The following ZNF674 variants were observed in gnomAD, a reference collection of about 807,000 sequenced individuals.
The protein encoded by ZNF674 is zinc finger protein 674, also known as zinc finger family member 674.
A neutral mutation model predicts 7.0 loss-of-function variants in ZNF674; 2 were observed. That is an observed-to-expected ratio of 0.29 (90% confidence interval 0.12 to 0.90). The LOEUF is 0.90. ZNF674 is among the 40% of genes least tolerant of loss of function. ZNF674 has a pLI of 0.57. For missense variants in ZNF674, 297 were observed against 415.5 expected (o/e 0.71, Z 2.48); for synonymous variants, 103 against 145.2 (o/e 0.71, Z 2.09).
At position 46,499,687 on chromosome X, in the gene ZNF674, C is replaced by A. The variant is rs952428676; in HGVS notation, c.*156G>T. On this transcript the variant is annotated 3_prime_UTR_variant, in exon 6 of 6. Coordinates refer to ENST00000683375, the MANE Select transcript of ZNF674 (RefSeq NM_001190417.2). ...ACACCTCTGGAATTATACTTTTGTACTTTGTATTAAGTTAAATGAACATTA... is the reference window on the plus strand; with the variant it reads ...ACACCTCTGGAATTATACTTTTGTAATTTGTATTAAGTTAAATGAACATTA... The A allele has an allele frequency of 9.4e-6, 4 of 427,059 alleles. No individual in the cohort carries two copies. Among genetic ancestry groups the A allele is most frequent in the Non-Finnish European group, 1.5e-5 (4 of 270,710 alleles). 35.2% of individuals were successfully genotyped at this position (427,059 alleles called of 1,213,427 possible). A position where few individuals can be genotyped will look rare whatever the true frequency, so the allele number is the denominator to read the frequency against.
intron 5 of ZNF674, among the ~76,000 whole-genome samples, chrX:46,524,356 C>G (rs1300595949): frequency 9.0e-6 from 1 of 111,540 alleles, no homozygotes; most frequent in East Asian, 2.8e-4. Flanking sequence ...AGGTCATTAT[C>G]AAGAGGGGTT....
Position 46,515,977 on chromosome X carries a change from A to G in ZNF674, c.238+12373T>C, listed in dbSNP as rs371864291. On this transcript the variant is annotated intron_variant, in intron 5 of 5. Transcript: ENST00000683375. ...ACAGTAAAGGGTTTAAAATAGCTAA[A>G]TCAGTACTTAGAGATAGTTATGGCA... 3.6e-5 allele frequency among the ~76,000 whole-genome samples: 4 copies of G among 111,728 alleles called. No individual in the cohort carries two copies. In the East Asian group the frequency reaches 8.4e-4, roughly 23 times the overall value.
At chrX:46,526,850 C>G (rs2146608387) in intron 5 of ZNF674, among the ~76,000 whole-genome samples, 1 of 111,219 alleles carries the variant, frequency 9.0e-6, no homozygotes, top group East Asian at 2.8e-4. Flanking sequence ...AAGGCATGAA[C>G]CATAAAAGAA....
chrX:46,526,348 G>A (rs955705461), intron 5 of ZNF674, among the ~76,000 whole-genome samples: 1 of 111,275 alleles, frequency 9.0e-6, no homozygotes, highest in Non-Finnish European at 1.9e-5. Flanking sequence ...GCGTGATCAC[G>A]GCTCACTGCA....
intron 5 of ZNF674, among the ~76,000 whole-genome samples, chrX:46,503,761 G>T (rs1941476434): frequency 8.9e-6 from 1 of 111,974 alleles, no homozygotes; most frequent in Admixed American, 9.6e-5. Flanking sequence ...ACAAAGATGT[G>T]AAACTCTTAA....
chrX:46,531,547 T>C (rs1237400161), intron 3 of ZNF674, among the ~76,000 whole-genome samples: 2 of 111,439 alleles, frequency 1.8e-5, no homozygotes, highest in Non-Finnish European at 1.9e-5. Context: ...GAGAATGACT[T>C]GGTATTTGGG....
chrX:46,537,220 G>A (rs759084858), intron 3 of ZNF674, among the ~76,000 whole-genome samples: 3 of 109,774 alleles, frequency 2.7e-5, no homozygotes, highest in Admixed American at 2.0e-4. Context: ...GCAGTGATCC[G>A]AGATCGCACC....
chrX:46,531,884 TG>T (rs1256027167), intron 3 of ZNF674, among the ~76,000 whole-genome samples: 1 of 111,667 alleles, frequency 9.0e-6, no homozygotes, highest in African/African-American at 3.2e-5. Flanking sequence ...CATATGTATG[TG>T]GCCAGGCGCG....
rs770921407 is a variant in ZNF674 at position 46,541,271 on chromosome X, A to C, written c.15+802T>G. 2.9e-5 allele frequency among the ~76,000 whole-genome samples: 3 copies of C among 102,417 alleles called. No individual in the cohort carries two copies. In the South Asian group the frequency reaches 1.4e-3, roughly 46 times the overall value. 88.9% of individuals were successfully genotyped at this position (102,417 alleles called of 115,157 possible). A position where few individuals can be genotyped will look rare whatever the true frequency, so the allele number is the denominator to read the frequency against. On this transcript the variant is annotated intron_variant, in intron 3 of 5. Transcript: ENST00000683375. ...AGGTACTCGGTTGGCTGAGGCAGGA[A>C]AATCGCTTGAACCTGGAAGGCGGAG...
intron 5 of ZNF674, among the ~76,000 whole-genome samples, chrX:46,505,976 T>G (rs762160166): frequency 2.7e-5 from 3 of 111,979 alleles, no homozygotes; most frequent in Non-Finnish European, 5.6e-5. Context: ...AGACAGCTGT[T>G]GCTATTTGAT....
At chrX:46,505,795 C>CACACACACACACACACACACACAT (rs1556010542) in intron 5 of ZNF674, among the ~76,000 whole-genome samples, 2 of 106,335 alleles carry the variant, frequency 1.9e-5, no homozygotes, top group African/African-American at 7.2e-5. Context: ...CACACACACA[C>CACACACACACACACACACACACAT]GAAAAAAAAA....
intron 5 of ZNF674, among the ~76,000 whole-genome samples, chrX:46,519,190 G>A (rs947271521): frequency 1.0e-4 from 11 of 107,427 alleles, no homozygotes; most frequent in African/African-American, 3.8e-4. Flanking sequence ...GCAACAGAGC[G>A]AGACACCATC....
At chrX:46,529,809 G>A (rs1325690151) in intron 3 of ZNF674, 2 of 111,711 alleles carry the variant, frequency 1.8e-5, no homozygotes, top group Non-Finnish European at 3.8e-5. Flanking sequence ...GATGTAGGAC[G>A]GGGTCCGGGT....
chrX:46,526,225 G>C (rs1942008015), intron 5 of ZNF674, among the ~76,000 whole-genome samples: 1 of 112,124 alleles, frequency 8.9e-6, no homozygotes, highest in Non-Finnish European at 1.9e-5. Context: ...CTTAATGTTA[G>C]GCTACAGTAA....
intron 3 of ZNF674, among the ~76,000 whole-genome samples, chrX:46,533,829 A>AAAATATATATAT (rs1415090691): frequency 1.5e-5 from 1 of 65,554 alleles, no homozygotes; most frequent in African/African-American, 9.8e-5. Flanking sequence ...AAAAAAAAAA[A>AAAATATATATAT]ATATATATAT....
chrX:46,539,236 G>A (rs1033590256), intron 3 of ZNF674, among the ~76,000 whole-genome samples: 1 of 112,498 alleles, frequency 8.9e-6, no homozygotes, highest in African/African-American at 3.2e-5. Flanking sequence ...CAGGAAATGT[G>A]AATTAAAATG....
chrX:46,535,362 G>C (rs1569482912), intron 3 of ZNF674, among the ~76,000 whole-genome samples: 1 of 110,968 alleles, frequency 9.0e-6, no homozygotes, highest in African/African-American at 3.3e-5. Flanking sequence ...GCCCAGGCTA[G>C]TCTCAAATTC....
intron 5 of ZNF674, among the ~76,000 whole-genome samples, chrX:46,512,228 G>T (rs1005020967): frequency 9.1e-6 from 1 of 109,514 alleles, no homozygotes. Flanking sequence ...CGGCCGTGGT[G>T]GCACATGCCT....
At chrX:46,525,341 A>G (rs1602073723) in intron 5 of ZNF674, 2 of 262,779 alleles carry the variant, frequency 7.6e-6, no homozygotes, top group African/African-American at 2.9e-5. Context: ...GGTGGCTCAT[A>G]CCTGTAATCC....
Sources: allele counts gnomAD v4.1 joint callset (sites outside exome capture counted in the v4.1 genomes callset), GRCh38; gene constraint gnomAD v4.1.1; transcripts MANE v1.5; gene names NCBI Gene and HGNC (gene_info 2026-07-23, HGNC 2026-07-21).